C2orf49: variants seen among roughly 807,000 people sequenced by gnomAD.
C2orf49 encodes tRNA-splicing ligase complex subunit ASW.
C2orf49 carries 11 observed loss-of-function variants against 20.6 expected under a neutral mutation model. The ratio of observed to expected loss-of-function variants is 0.53; its 90% CI spans 0.34 to 0.88. C2orf49 has a LOEUF of 0.88. Among genes scored for constraint, C2orf49 ranks in the 40% least tolerant of loss-of-function variants. C2orf49 has a pLI of 0.02. For synonymous variants in C2orf49, 134 were observed against 108.5 expected (o/e 1.24, Z -1.46); for missense variants, 289 against 274.2 (o/e 1.05, Z -0.38).
chr2:105,348,696 G>T lies in C2orf49; in HGVS notation c.*3325G>T, dbSNP rs1384653273. ...ATTCAGTACAGAAAAGTTTAACCTT[G>T]TACATTTTTGTATGTAAAAAGTCTT... is the stretch of plus-strand genomic sequence containing the variant. On this transcript the variant is annotated 3_prime_UTR_variant, in exon 4 of 4. Transcript: ENST00000258457. 6.6e-6 allele frequency: 1 copy of T among 151,790 alleles called. No individual in the cohort carries two copies. The highest frequency in any genetic ancestry group is 1.5e-5 in the Non-Finnish European group (1 of 67,976). 9.4% of individuals were successfully genotyped at this position (151,790 alleles called of 1,614,324 possible). A position where few individuals can be genotyped will look rare whatever the true frequency, so the allele number is the denominator to read the frequency against.
rs1449748639 is a variant in C2orf49 at position 105,348,361 on chromosome 2, A to G, written c.*2990A>G. 2 of 152,148 alleles carry G rather than the reference A, an allele frequency of 1.3e-5. No homozygotes were observed. Among genetic ancestry groups the G allele is most frequent in the Non-Finnish European group, 2.9e-5 (2 of 68,030 alleles). 9.4% of individuals were successfully genotyped at this position (152,148 alleles called of 1,614,324 possible). ...TCAGTTACTACTATGAGGCCATAATATATTTGCTGGTATTAAAATTCTTCA... is the reference window on the plus strand; with the variant it reads ...TCAGTTACTACTATGAGGCCATAATGTATTTGCTGGTATTAAAATTCTTCA... On this transcript the variant is annotated 3_prime_UTR_variant, in exon 4 of 4. Coordinates refer to ENST00000258457, the MANE Select transcript of C2orf49 (RefSeq NM_024093.3).
chr2:105,350,058 C>T (rs1479588927), downstream of C2orf49, among the ~76,000 whole-genome samples: 3 of 152,212 alleles, frequency 2.0e-5, no homozygotes, highest in Non-Finnish European at 4.4e-5. Flanking sequence ...CAACAGCCAG[C>T]ACTAACTGCC....
At chr2:105,372,167 T>C in the C2orf49 span, among the ~76,000 whole-genome samples, 2 of 152,214 alleles carry the variant, frequency 1.3e-5, no homozygotes, top group African/African-American at 2.4e-5. Context: ...AGAAACCATC[T>C]TACCAAAGGT....
chr2:105,349,577 C>T (rs1679891370), downstream of C2orf49, among the ~76,000 whole-genome samples: 1 of 152,132 alleles, frequency 6.6e-6, no homozygotes, highest in Non-Finnish European at 1.5e-5. Context: ...ATTAGAATTG[C>T]CTGTGTATTT....
At chr2:105,365,588 A>G in the C2orf49 span, among the ~76,000 whole-genome samples, 1 of 151,978 alleles carries the variant, frequency 6.6e-6, no homozygotes, top group Non-Finnish European at 1.5e-5. Flanking sequence ...AAATAAAAGC[A>G]GGAATGAGAG....
the C2orf49 span, among the ~76,000 whole-genome samples, chr2:105,354,393 G>A: frequency 2.0e-5 from 3 of 152,242 alleles, no homozygotes; most frequent in African/African-American, 7.2e-5. Context: ...GGCCAGGTGT[G>A]GTGGCTCACG....
intron 2 of C2orf49, among the ~76,000 whole-genome samples, chr2:105,341,008 T>C (rs1045289121): frequency 6.6e-6 from 1 of 152,244 alleles, no homozygotes; most frequent in East Asian, 1.9e-4. Context: ...ACATGTCTGC[T>C]CATTGTCTTT....
At chr2:105,377,357 G>T in the C2orf49 span, among the ~76,000 whole-genome samples, 1 of 152,178 alleles carries the variant, frequency 6.6e-6, no homozygotes, top group African/African-American at 2.4e-5. Flanking sequence ...TTGGCCAGGC[G>T]AGGTGGCTCA....
intron 1 of C2orf49, among the ~76,000 whole-genome samples, chr2:105,338,784 C>A (rs1679577994): frequency 6.6e-6 from 1 of 152,290 alleles, no homozygotes; most frequent in South Asian, 2.1e-4. Context: ...GTACTAAACA[C>A]AAATGTTTTC....
intron 2 of C2orf49, 84 bp downstream of exon 2, chr2:105,339,833 T>G: frequency 7.9e-7 from 1 of 1,258,760 alleles, no homozygotes; most frequent in Non-Finnish European, 1.1e-6. Context: ...GAGATAAACT[T>G]AAGTAAAAAA....
chr2:105,361,660 G>A, the C2orf49 span, among the ~76,000 whole-genome samples: 3 of 152,172 alleles, frequency 2.0e-5, no homozygotes, highest in Non-Finnish European at 4.4e-5. Flanking sequence ...GTTCCAAAAC[G>A]ATGGGATAAG....
the C2orf49 span, chr2:105,378,272 T>C: frequency 2.2e-6 from 1 of 445,534 alleles, no homozygotes; most frequent in Non-Finnish European, 4.7e-6. Flanking sequence ...ACTGTCCCTC[T>C]AAATGTGGAT....
At chr2:105,363,753 T>G in the C2orf49 span, among the ~76,000 whole-genome samples, 1 of 152,176 alleles carries the variant, frequency 6.6e-6, no homozygotes, top group Non-Finnish European at 1.5e-5. Context: ...GGTGCCTCAG[T>G]GGTGTTGCCA....
At chr2:105,366,494 A>AG in the C2orf49 span, among the ~76,000 whole-genome samples, 1 of 152,204 alleles carries the variant, frequency 6.6e-6, no homozygotes, top group African/African-American at 2.4e-5. Context: ...GAGCAGTGGG[A>AG]GGGTGCCACT....
chr2:105,370,041 A>C, the C2orf49 span, among the ~76,000 whole-genome samples: 1 of 152,238 alleles, frequency 6.6e-6, no homozygotes, highest in Admixed American at 6.5e-5. Flanking sequence ...CGCAGGCGGA[A>C]GCGCAGTCTT....
At chr2:105,357,629 T>G in the C2orf49 span, 1 of 152,160 alleles carries the variant, frequency 6.6e-6, no homozygotes, top group East Asian at 1.9e-4. Context: ...TGCTTACACA[T>G]CACTTCATTT....
At chr2:105,379,970 T>A in the C2orf49 span, among the ~76,000 whole-genome samples, 1 of 152,212 alleles carries the variant, frequency 6.6e-6, no homozygotes, top group Non-Finnish European at 1.5e-5. Flanking sequence ...GGTTTCCCTG[T>A]CACTCTCTGA....
chr2:105,352,005 T>C (rs1215076966), downstream of C2orf49, among the ~76,000 whole-genome samples: 1 of 152,220 alleles, frequency 6.6e-6, no homozygotes, highest in Non-Finnish European at 1.5e-5. Context: ...CCCTTGCATG[T>C]CTGGAACCTC....
chr2:105,369,180 G>A, the C2orf49 span, among the ~76,000 whole-genome samples: 1 of 152,174 alleles, frequency 6.6e-6, no homozygotes, highest in Non-Finnish European at 1.5e-5. Flanking sequence ...ACTTCAACTG[G>A]GGGTCAGGGA....
Sources: gnomAD v4.1 joint callset for allele counts (sites outside exome capture counted in the v4.1 genomes callset) on GRCh38, gnomAD v4.1.1 for gene constraint, MANE v1.5 for transcripts, NCBI Gene and HGNC (gene_info 2026-07-23, HGNC 2026-07-21) for gene names.